Variants in SARDH observed in about 807,000 individuals in gnomAD.
The protein encoded by SARDH is sarcosine dehydrogenase.
SARDH carries 95 observed loss-of-function variants against 109.1 expected under a neutral mutation model. That is an observed-to-expected ratio of 0.87 (90% CI 0.74 to 1.03). The LOEUF (loss-of-function observed/expected upper bound fraction) is 1.03, where lower values mean the gene tolerates loss of function less well. SARDH is among the 50% of genes least tolerant of loss of function. The pLI is 0.00. For missense variants in SARDH, 1,267 were observed against 1,287.8 expected (o/e 0.98, Z 0.25); for synonymous variants, 572 against 534.8 (o/e 1.07, Z -0.96).
In SARDH at chr9:133,702,715, C is replaced by G. The variant is rs564073896; in HGVS notation, c.1668+201G>C. 1.6e-4 allele frequency among the ~76,000 whole-genome samples: 13 copies of G among 81,434 alleles called. No homozygotes were observed. In the East Asian group the frequency reaches 7.2e-3, roughly 45 times the overall value. 53.4% of individuals were successfully genotyped at this position (81,434 alleles called of 152,430 possible). A position where few individuals can be genotyped will look rare whatever the true frequency, so the allele number is the denominator to read the frequency against. On this transcript the variant is annotated intron_variant, in intron 13 of 20. Transcript: ENST00000439388. ...GCTCAGGCCTGGCTGCTGGCAAAAT[C>G]TCGGCACAGAGGGAGGAGGGGGAGA...
chr9:133,677,366 T>C (rs1464746702), intron 17 of SARDH, among the ~76,000 whole-genome samples: 2 of 152,238 alleles, frequency 1.3e-5, no homozygotes, highest in South Asian at 4.2e-4. Context: ...AAAGAATCCG[T>C]AGGGGATGCA....
At chr9:133,699,445 G>A (rs1831403175) in intron 13 of SARDH, among the ~76,000 whole-genome samples, 1 of 152,122 alleles carries the variant, frequency 6.6e-6, no homozygotes, top group African/African-American at 2.4e-5. Context: ...GGCGGAGGTT[G>A]CAGTGAGCCG....
Position 133,693,020 on chromosome 9 carries a change from G to A in SARDH, c.1921+1238C>T, listed in dbSNP as rs1024721839. ...GCCCAGGAGCCCCTGCCAGCCCCCA[G>A]CCCCGAAGACCCGCTGGGCAGTGAG... On this transcript the variant is annotated intron_variant, in intron 15 of 20. Transcript: ENST00000439388. The surrounding 1 kb of genome is among the most constrained non-coding windows in gnomAD (Gnocchi z 5.6). Among the ~76,000 whole-genome samples, 1 of 152,002 alleles carries A rather than the reference G, an allele frequency of 6.6e-6. No homozygotes were observed. Among genetic ancestry groups the A allele is most frequent in the African/African-American group, 2.4e-5 (1 of 41,370 alleles).
chr9:133,689,918 T>C (rs951087446), intron 16 of SARDH, among the ~76,000 whole-genome samples: 12 of 152,330 alleles, frequency 7.9e-5, no homozygotes, highest in Admixed American at 3.3e-4. Flanking sequence ...CAGGTGTTTA[T>C]AGAAGGAATG....
rs59172198 is a variant in SARDH, at chr9:133,726,394, A to ATAATAATAATAATAATAATAGTAG, written c.915+3370_915+3371insCTACTATTATTATTATTATTATTA. 8.0e-3 allele frequency among the ~76,000 whole-genome samples: 1,053 copies of ATAATAATAATAATAATAATAGTAG among 132,268 alleles called. 13 individuals are homozygous for ATAATAATAATAATAATAATAGTAG. The highest frequency in any genetic ancestry group is 0.023 in the African/African-American group (816 of 36,198). The allele number at this position is 132,268 out of a possible 152,430, so 86.8% of individuals were successfully genotyped here. ...AATAATAATAATAATAATAATAATA[A>ATAATAATAATAATAATAATAGTAG]TAGTAGTAGTAGTAGTAGTAGTTAT... On this transcript the variant is annotated intron_variant, in intron 6 of 20. Coordinates refer to ENST00000439388, the MANE Select transcript of SARDH (RefSeq NM_001134707.2).
chr9:133,713,018 G>A lies in SARDH; in HGVS notation c.1237+20C>T. 3.1e-6 allele frequency: 5 copies of A among 1,601,816 alleles called. No homozygotes were observed. The highest frequency in any genetic ancestry group is 4.3e-6 in the Non-Finnish European group (5 of 1,174,816). On this transcript the variant is annotated intron_variant, in intron 9 of 20. Transcript: ENST00000439388. ...AGGACCTCCCTCTTGGGGGCCAGGA[G>A]GGCTGCTGCCCGGACTCACCTGCGC...
At chr9:133,672,653 C>T (rs576539397) in intron 17 of SARDH, among the ~76,000 whole-genome samples, 5 of 152,356 alleles carry the variant, frequency 3.3e-5, no homozygotes, top group African/African-American at 4.8e-5. Context: ...TGGTCAGCCC[C>T]GGCCCAGCAC....
At position 133,687,988 on chromosome 9, in the gene SARDH, G is replaced by A. The variant is rs145575865; in HGVS notation, c.2069+2392C>T. Among the ~76,000 whole-genome samples the A allele has an allele frequency of 1.4e-3, 212 of 152,262 alleles. 1 individual carries two copies. In the East Asian group the frequency reaches 0.022, roughly 16 times the overall value. On this transcript the variant is annotated intron_variant, in intron 16 of 20. Transcript: ENST00000439388. ...GGAGCAGCTTATAATGAGGCTGGGC[G>A]CACCGGCCGCCCCCGGGCCGCACCT...
intron 8 of SARDH, among the ~76,000 whole-genome samples, chr9:133,716,574 C>A (rs1832130138): frequency 6.6e-6 from 1 of 151,368 alleles, no homozygotes; most frequent in Non-Finnish European, 1.5e-5. Flanking sequence ...CAGCCCCACA[C>A]CCGCCCCCTG....
intron 16 of SARDH, 100 bp from the exon 17 acceptor site, chr9:133,685,386 T>A (rs1261929347): frequency 2.5e-6 from 2 of 799,698 alleles, no homozygotes; most frequent in Admixed American, 5.0e-5. Context: ...TAAGTCCCTG[T>A]CCTCATGAGA....
upstream of SARDH, chr9:133,738,434 G>T (rs1001600903): frequency 6.6e-6 from 1 of 152,162 alleles, no homozygotes; most frequent in East Asian, 1.9e-4. Flanking sequence ...CCACCACTGC[G>T]GCTTCTAGGC....
intron 19 of SARDH, among the ~76,000 whole-genome samples, chr9:133,669,335 T>TCCTCCCTCAC (rs1293797482): frequency 1.5e-5 from 1 of 65,404 alleles, no homozygotes; most frequent in Non-Finnish European, 2.9e-5. Flanking sequence ...CTCTCCCTCG[T>TCCTCCCTCAC]CCTCCCTCTC....
chr9:133,734,105 C>T lies in SARDH; in HGVS notation c.69G>A (p.Met23Ile), dbSNP rs1832783176. 2.5e-6 allele frequency: 4 copies of T among 1,612,372 alleles called. No homozygotes were observed. Among genetic ancestry groups the T allele is most frequent in the Non-Finnish European group, 3.4e-6 (4 of 1,179,690 alleles). The change falls in exon 2 of 21, where the codon ATG becomes ATA. Residue 23 changes from methionine (M) to isoleucine (I), a missense_variant. Coordinates refer to ENST00000439388, the MANE Select transcript of SARDH (RefSeq NM_001134707.2). ...CTGCGCTGGACAGGTTGCATGGCCC[C>T]ATGCCCCGGGTAGGGCTCTGGCGAG... Reference protein sequence around the residue: ...AHPRQSPTRGMGPCNLSSAAG... With the variant: ...AHPRQSPTRGIGPCNLSSAAG...
intron 19 of SARDH, among the ~76,000 whole-genome samples, chr9:133,668,299 C>CCT: frequency 7.4e-6 from 1 of 135,732 alleles, no homozygotes; most frequent in Admixed American, 7.2e-5. Context: ...CTCTCCCTCC[C>CCT]TCTCCCTCCC....
In SARDH at chr9:133,690,403, C is replaced by T. The variant is rs1831048046; in HGVS notation, c.2046G>A (p.Met682Ile). The change falls in exon 16 of 21, where the codon ATG becomes ATA. Residue 682 changes from methionine (M) to isoleucine (I), a missense_variant. Coordinates refer to ENST00000439388, the MANE Select transcript of SARDH (RefSeq NM_001134707.2). The stretch of plus-strand genomic sequence containing the variant: ...ACCTGGCTGGGCCCTGGATACTGAT[C>T]ATACCCAGGTCCTCGGAGCTGTCGA... ...QLIDSSEDLGMISIQGPASRA... is the reference protein window; with the variant it reads ...QLIDSSEDLGIISIQGPASRA... 1 of 1,613,020 alleles carries T rather than the reference C, an allele frequency of 6.2e-7. No individual in the cohort carries two copies. The highest frequency in any genetic ancestry group is 8.5e-7 in the Non-Finnish European group (1 of 1,179,880).
chr9:133,703,744 T>C (rs2427991), intron 12 of SARDH: 134,706 of 152,008 alleles, frequency 0.89, 60,069 homozygotes, highest in East Asian at 1. Context: ...CTCCCAGGGC[T>C]GCCAGCCCCG....
At chr9:133,717,262 T>C in intron 8 of SARDH, 64 bp downstream of exon 8, 1 of 1,596,320 alleles carries the variant, frequency 6.3e-7, no homozygotes, top group Non-Finnish European at 8.5e-7. Flanking sequence ...GGGGCATCAC[T>C]ACTAACAGTC....
intron 6 of SARDH, among the ~76,000 whole-genome samples, chr9:133,723,823 G>T (rs1171304582): frequency 6.6e-6 from 1 of 152,148 alleles, no homozygotes; most frequent in African/African-American, 2.4e-5. Context: ...TTCAGCAAGG[G>T]TGCTAAGACA....
In SARDH at chr9:133,664,037, G is replaced by A. The variant is rs761300868; in HGVS notation, c.2632-23C>T. On this transcript the variant is annotated intron_variant, in intron 20 of 20. Transcript: ENST00000439388. ...GACCTAGGAGCAGAGGTGGGGATGAGGATCACTCTCTGTTGGTAGGTACAG... is the reference window on the plus strand; with the variant it reads ...GACCTAGGAGCAGAGGTGGGGATGAAGATCACTCTCTGTTGGTAGGTACAG... The A allele has an allele frequency of 1.2e-5, 20 of 1,613,008 alleles. 1 individual carries two copies. The South Asian group carries it at 2.2e-4, about 18-fold the overall frequency.
Sources: gnomAD v4.1 joint callset for allele counts (sites outside exome capture counted in the v4.1 genomes callset) on GRCh38, gnomAD v4.1.1 for gene constraint, Gnocchi (gnomAD v3.1) non-coding constraint, MANE v1.5 for transcripts, NCBI Gene and HGNC (gene_info 2026-07-23, HGNC 2026-07-21) for gene names.